The following SLC12A9 variants were observed in gnomAD, a reference collection of about 807,000 sequenced individuals.
SLC12A9 encodes the protein CCC-interacting protein 1.
Under a neutral mutation model 66.0 loss-of-function variants are expected in SLC12A9, and 55 were observed. The ratio of observed to expected loss-of-function variants is 0.83; its 90% CI spans 0.67 to 1.04. SLC12A9 has a LOEUF of 1.04. SLC12A9 is among the 50% of genes least tolerant of loss of function. SLC12A9 has a pLI of 0.00. For missense variants in SLC12A9, 1,061 were observed against 1,241.9 expected, an observed-to-expected ratio of 0.85 and a Z score of 2.19; for synonymous variants, 577 against 569.0, an observed-to-expected ratio of 1.01 and a Z score of -0.20.
intron 1 of SLC12A9, among the ~76,000 whole-genome samples, chr7:100,831,567 T>A (rs1287622351): frequency 6.6e-6 from 1 of 152,150 alleles, no homozygotes; most frequent in Non-Finnish European, 1.5e-5. Flanking sequence ...AGCCTTGACC[T>A]CCTGGGCTCG....
intron 1 of SLC12A9, among the ~76,000 whole-genome samples, chr7:100,828,838 G>T (rs1466961564): frequency 6.6e-6 from 1 of 152,112 alleles, no homozygotes; most frequent in Non-Finnish European, 1.5e-5. Context: ...CAGCACAGCC[G>T]TGCTCCTCCC....
At chr7:100,828,823 G>A (rs1813483839) in intron 1 of SLC12A9, among the ~76,000 whole-genome samples, 3 of 152,102 alleles carry the variant, frequency 2.0e-5, no homozygotes, top group African/African-American at 7.2e-5. Context: ...TTAGCGGGGA[G>A]GGTCCAGCAC....
chr7:100,842,221 T>G (rs1813804694), intron 1 of SLC12A9, among the ~76,000 whole-genome samples: 1 of 152,214 alleles, frequency 6.6e-6, no homozygotes, highest in African/African-American at 2.4e-5. Context: ...AAACTAAAGC[T>G]AAGAAAAACT....
At chr7:100,865,158 G>A (rs1355667652) in intron 13 of SLC12A9, 47 of 1,077,058 alleles carry the variant, frequency 4.4e-5, no homozygotes, top group Admixed American at 2.8e-4. Flanking sequence ...GCATTTCACC[G>A]TATTGGCCAG....
chr7:100,848,499 AAAAT>A (rs56099726), upstream of SLC12A9, among the ~76,000 whole-genome samples: 46 of 145,702 alleles, frequency 3.2e-4, no homozygotes, highest in South Asian at 1.5e-3. Flanking sequence ...CCAAGTCTCA[AAAAT>A]AAATAAATAA....
upstream of SLC12A9, among the ~76,000 whole-genome samples, chr7:100,848,232 C>T (rs1584685453): frequency 1.3e-5 from 2 of 151,886 alleles, no homozygotes; most frequent in Admixed American, 6.6e-5. Flanking sequence ...GGGCCGGGTG[C>T]GGTGGCTCAT....
At chr7:100,852,316 TTGGAGGA>T (rs572285036), upstream of SLC12A9, among the ~76,000 whole-genome samples, 158 of 151,896 alleles carry the variant, frequency 1.0e-3, no homozygotes, top group Non-Finnish European at 1.7e-3. Flanking sequence ...TTTTGAGAGG[TTGGAGGA>T]CTAGAACTCC....
chr7:100,865,197 A>C (rs1276951150), intron 13 of SLC12A9: 9 of 1,459,948 alleles, frequency 6.2e-6, no homozygotes, highest in African/African-American at 2.8e-5. Flanking sequence ...ATCTCAGGTG[A>C]TCAACGTGCC....
chr7:100,840,841 A>T lies in SLC12A9; in HGVS notation n.228+13794A>T, dbSNP rs111626486. 5.5e-3 allele frequency among the ~76,000 whole-genome samples: 836 copies of T among 152,242 alleles called. 9 individuals are homozygous for T. Among genetic ancestry groups the T allele is most frequent in the African/African-American group, 0.019 (787 of 41,552 alleles). On this transcript the variant is annotated intron_variant and non_coding_transcript_variant, in intron 1 of 1. Coordinates refer to the SLC12A9 transcript ENST00000461016. ...ATTGATAATTGAAGGTATTCTCCGT[A>T]ACCCTGTAACACTCCAATACCACTT... is the stretch of plus-strand genomic sequence containing the variant.
At chr7:100,856,710 C>A in intron 4 of SLC12A9, 158 bp from the exon 5 acceptor site, 1 of 703,788 alleles carries the variant, frequency 1.4e-6, no homozygotes, top group Non-Finnish European at 2.3e-6. Context: ...TGGGGTTTCA[C>A]AATGTTGCCC....
At position 100,862,784 on chromosome 7, in the gene SLC12A9, C is replaced by T. The variant is rs200327696; in HGVS notation, c.1815C>T (p.Ser605=). ...TTGTGGATCTAACCCTCTCACCCTC[C>T]GTGCGCCAGGGGGCTCAGCATCTGC... ...KAFVDLTLSP[S]VRQGAQHLLR... is the part of the protein sequence containing the mutation. Residue 605 remains serine, a synonymous_variant, in exon 13 of 14, where the codon TCC becomes TCT. Coordinates refer to ENST00000354161, the MANE Select transcript of SLC12A9 (RefSeq NM_020246.4). 52 of 1,614,178 alleles carry T rather than the reference C, an allele frequency of 3.2e-5. No homozygotes were observed. The highest frequency in any genetic ancestry group is 6.7e-5 in the East Asian group (3 of 44,878).
chr7:100,845,020 A>G (rs1247185107), intron 1 of SLC12A9, among the ~76,000 whole-genome samples: 2 of 152,056 alleles, frequency 1.3e-5, no homozygotes, highest in African/African-American at 4.8e-5. Flanking sequence ...TGGTACCTAC[A>G]TACCCAGTTC....
At position 100,866,795 on chromosome 7, in the gene SLC12A9, A is replaced by G. The variant is rs773471898; in HGVS notation, c.*190A>G. The G allele has an allele frequency of 3.5e-6, 2 of 567,730 alleles. No individual in the cohort carries two copies. The highest frequency in any genetic ancestry group is 2.9e-6 in the Non-Finnish European group (1 of 342,884). The allele number at this position is 567,730 out of a possible 1,614,324, so 35.2% of individuals were successfully genotyped here. On this transcript the variant is annotated 3_prime_UTR_variant, in exon 14 of 14. Coordinates refer to ENST00000354161, the MANE Select transcript of SLC12A9 (RefSeq NM_020246.4). The surrounding 1 kb of genome is among the most constrained non-coding windows in gnomAD (Gnocchi z 7.3). Reference sequence around the variant, plus strand: ...TCCTTTGGCAGAGGGACCCCAGCACACTAACTCTGGGTGGCTGTCCCCACC... The same window carrying G: ...TCCTTTGGCAGAGGGACCCCAGCACGCTAACTCTGGGTGGCTGTCCCCACC...
chr7:100,843,788 CCCACATAA>C (rs1813839319), intron 1 of SLC12A9, among the ~76,000 whole-genome samples: 1 of 152,156 alleles, frequency 6.6e-6, no homozygotes, highest in South Asian at 2.1e-4. Context: ...TGTGAAAATC[CCCACATAA>C]CCATTGAAGT....
At chr7:100,829,015 T>A (rs1252731373) in intron 1 of SLC12A9, among the ~76,000 whole-genome samples, 1 of 142,984 alleles carries the variant, frequency 7.0e-6, no homozygotes, top group Non-Finnish European at 1.5e-5. Flanking sequence ...TGAGACAGAG[T>A]CTCCCTCTAT....
chr7:100,839,159 T>C (rs1199882933), intron 1 of SLC12A9, among the ~76,000 whole-genome samples: 2 of 151,640 alleles, frequency 1.3e-5, no homozygotes, highest in Non-Finnish European at 2.9e-5. Context: ...CTGTCTCTAC[T>C]AAAAAATACA....
At chr7:100,865,409 G>T in intron 13 of SLC12A9, 1 of 1,536,138 alleles carries the variant, frequency 6.5e-7, no homozygotes. Context: ...CTAGAAGCCG[G>T]GAGTGGACAG....
At chr7:100,862,916 T>C in intron 13 of SLC12A9, 89 bp downstream of exon 13, 3 of 1,508,272 alleles carry the variant, frequency 2.0e-6, no homozygotes, top group Non-Finnish European at 2.7e-6. Context: ...AGCCACAGAT[T>C]GCAAACTGCA....
At position 100,860,158 on chromosome 7, in the gene SLC12A9, T is replaced by C. The variant is rs1240421198; in HGVS notation, c.1144T>C (p.Leu382=). ...LARDDLFGVI[L]APAKVVSRGG... ...GGATTCTGTTTTTCTAGGCGTGATC[T>C]TGGCACCGGCCAAGGTTGTGTCCCG... Residue 382 remains leucine, a synonymous_variant, in exon 9 of 14, where the codon TTG becomes CTG. Transcript: ENST00000354161. 2 of 1,614,242 alleles carry C rather than the reference T, an allele frequency of 1.2e-6. No individual in the cohort carries two copies. The highest frequency in any genetic ancestry group is 1.7e-6 in the Non-Finnish European group (2 of 1,180,040).
Sources: allele counts gnomAD v4.1 joint callset (sites outside exome capture counted in the v4.1 genomes callset), GRCh38; gene constraint gnomAD v4.1.1; non-coding constraint Gnocchi (gnomAD v3.1); transcripts MANE v1.5; gene names NCBI Gene and HGNC (gene_info 2026-07-23, HGNC 2026-07-21).